The following TPRG1 variants were observed in gnomAD, a reference collection of about 807,000 sequenced individuals.
TPRG1 encodes the protein tumor protein p63-regulated gene 1 protein.
Under a neutral mutation model 29.3 loss-of-function variants are expected in TPRG1, and 29 were observed. That is an observed-to-expected ratio of 0.99 (90% CI 0.74 to 1.35). The LOEUF is 1.35. TPRG1 is among the 40% of genes most tolerant of loss of function. The pLI, the probability that TPRG1 is intolerant of heterozygous loss-of-function variation, is 0.00. For missense variants in TPRG1, 327 were observed against 335.0 expected (o/e 0.98, Z 0.19); for synonymous variants, 130 against 116.8 (o/e 1.11, Z -0.73).
chr3:189,293,394 A>G (rs1389950361), intron 4 of TPRG1, among the ~76,000 whole-genome samples: 2 of 152,090 alleles, frequency 1.3e-5, no homozygotes, highest in Non-Finnish European at 2.9e-5. Context: ...GGGTTTCCTG[A>G]TCTGGGACCT....
intron 3 of TPRG1, among the ~76,000 whole-genome samples, chr3:189,133,363 C>T (rs1292614815): frequency 3.3e-5 from 5 of 152,182 alleles, no homozygotes; most frequent in Admixed American, 6.5e-5. Flanking sequence ...TTAGAAGCCT[C>T]TTGCCACAGT....
intron 3 of TPRG1, among the ~76,000 whole-genome samples, chr3:189,014,907 A>T (rs911581512): frequency 7.9e-5 from 12 of 152,148 alleles, no homozygotes; most frequent in African/African-American, 2.9e-4. Flanking sequence ...TACTACAGAA[A>T]ATTGGTACCA....
At position 189,324,661 on chromosome 3, in the gene TPRG1, G is replaced by A. The variant is rs1724578382; in HGVS notation, c.*3841G>A. The A allele has an allele frequency of 6.6e-6, 1 of 152,152 alleles. No individual in the cohort carries two copies. Among genetic ancestry groups the A allele is most frequent in the South Asian group, 2.1e-4 (1 of 4,832 alleles). 9.4% of individuals were successfully genotyped at this position (152,152 alleles called of 1,614,324 possible). On this transcript the variant is annotated 3_prime_UTR_variant, in exon 6 of 6. Coordinates refer to ENST00000345063, the MANE Select transcript of TPRG1 (RefSeq NM_198485.4). The stretch of plus-strand genomic sequence containing the variant: ...GGCATTTTGTGGGGCAGGAGAGGGG[G>A]AGGGCAAAGGTATTAAATTTAGGCT...
At chr3:189,284,475 A>G (rs564651702) in intron 4 of TPRG1, among the ~76,000 whole-genome samples, 2 of 151,262 alleles carry the variant, frequency 1.3e-5, no homozygotes, top group Admixed American at 6.6e-5. Context: ...TGTCCTTGCC[A>G]TAGTTTGCTG....
In TPRG1 at chr3:189,261,607, C is replaced by T. The variant is rs115532867; in HGVS notation, c.479+22698C>T. Among the ~76,000 whole-genome samples the T allele has an allele frequency of 4.1e-3, 617 of 152,278 alleles. 2 individuals are homozygous for T. The highest frequency in any genetic ancestry group is 0.014 in the African/African-American group (599 of 41,552). ...GAGTGGCAAGACATAGCCTCTGCCA[C>T]CAAGATGTTCACAGTCTCAATGCGA... On this transcript the variant is annotated intron_variant, in intron 4 of 5. Transcript: ENST00000345063.
At chr3:189,026,238 T>A (rs528590337) in intron 4 of TPRG1, among the ~76,000 whole-genome samples, 40 of 152,310 alleles carry the variant, frequency 2.6e-4, no homozygotes, top group African/African-American at 9.4e-4. Flanking sequence ...CCTCATGTGG[T>A]CTTTTCTCTG....
rs370520919 is a variant in TPRG1, at chr3:189,057,749, C to CAT, written c.-463+33817_-463+33818dup. Among the ~76,000 whole-genome samples, 211 of 141,830 alleles carry CAT rather than the reference C, an allele frequency of 1.5e-3. 2 individuals carry two copies. The highest frequency in any genetic ancestry group is 5.4e-3 in the South Asian group (24 of 4,478). 93.0% of individuals were successfully genotyped at this position (141,830 alleles called of 152,430 possible). A position where few individuals can be genotyped will look rare whatever the true frequency, so the allele number is the denominator to read the frequency against. On this transcript the variant is annotated intron_variant, in intron 4 of 10. Transcript: ENST00000433971. ...TCATATTTCTATTAGTATATATATACATATATATATATATACACACACATA... is the reference window on the plus strand; with the variant it reads ...TCATATTTCTATTAGTATATATATACATATATATATATATATACACACACATA...
intron 5 of TPRG1, among the ~76,000 whole-genome samples, chr3:189,311,975 T>G (rs1722565626): frequency 6.6e-6 from 1 of 152,104 alleles, no homozygotes; most frequent in Non-Finnish European, 1.5e-5. Context: ...AATATCAGAC[T>G]TCTCTGTTTC....
chr3:189,164,615 A>G (rs1034937204), intron 5 of TPRG1, among the ~76,000 whole-genome samples: 1 of 133,526 alleles, frequency 7.5e-6, no homozygotes, highest in Non-Finnish European at 1.5e-5. Flanking sequence ...CTAAAAAAAA[A>G]AATAAAAGCT....
At chr3:188,998,069 C>T (rs983847994) in intron 1 of TPRG1, among the ~76,000 whole-genome samples, 3 of 152,004 alleles carry the variant, frequency 2.0e-5, no homozygotes, top group Admixed American at 6.6e-5. Flanking sequence ...GGGTCAGGCA[C>T]GATTTTAGGT....
rs754508959 is a variant in TPRG1 at position 189,215,274 on chromosome 3, T to G, written c.211-18T>G. On this transcript the variant is annotated intron_variant, in intron 2 of 5. Coordinates refer to ENST00000345063, the MANE Select transcript of TPRG1 (RefSeq NM_198485.4). Reference sequence around the variant, plus strand: ...GCTAAGTCTGCTCTAAACTAGGTATTTTCTCCTTTCCACACAGCCGGGGGC... The same window carrying G: ...GCTAAGTCTGCTCTAAACTAGGTATGTTCTCCTTTCCACACAGCCGGGGGC... The G allele has an allele frequency of 2.5e-6, 4 of 1,601,218 alleles. No individual in the cohort carries two copies. Among genetic ancestry groups the G allele is most frequent in the African/African-American group, 2.7e-5 (2 of 73,998 alleles).
chr3:189,029,025 TAA>T (rs11431656), intron 4 of TPRG1, among the ~76,000 whole-genome samples: 10 of 131,756 alleles, frequency 7.6e-5, no homozygotes, highest in South Asian at 2.4e-4. Context: ...GTGTTTTCAA[TAA>T]AAAAAAAAAA....
chr3:189,202,598 C>A (rs1733677490), intron 1 of TPRG1, among the ~76,000 whole-genome samples: 1 of 152,050 alleles, frequency 6.6e-6, no homozygotes. Flanking sequence ...CAATTTAAAA[C>A]TTTTAAATTT....
rs529522526 is a variant in TPRG1 at position 189,022,491 on chromosome 3, G to C, written c.-659-1259G>C. Among the ~76,000 whole-genome samples the C allele has an allele frequency of 2.2e-4, 33 of 151,474 alleles. No homozygotes were observed. The East Asian group carries it at 3.9e-3, about 18-fold the overall frequency. On this transcript the variant is annotated intron_variant, in intron 3 of 10. Transcript: ENST00000433971. The stretch of plus-strand genomic sequence containing the variant: ...TGCAGGTCTGTTGGAGTACCCTGCA[G>C]TGTGAGGTGTCAGTGTGCCCCTGCT...
chr3:189,306,756 A>G (rs1432595075), intron 4 of TPRG1, among the ~76,000 whole-genome samples: 1 of 152,174 alleles, frequency 6.6e-6, no homozygotes, highest in African/African-American at 2.4e-5. Flanking sequence ...GACACTCAAT[A>G]TATGCTGGTG....
chr3:189,252,603 AG>A lies in TPRG1; in HGVS notation c.479+13696del, dbSNP rs1742464415. ...CTATGGTTCCCTGACAATTAACTAC[AG>A]GTTTAAAGCTATGACTAATCTTAAC... On this transcript the variant is annotated intron_variant, in intron 4 of 5. Transcript: ENST00000345063. Among the ~76,000 whole-genome samples the A allele has an allele frequency of 2.0e-5, 3 of 152,198 alleles. No homozygotes were observed. In the South Asian group the frequency reaches 6.2e-4, roughly 31 times the overall value.
intron 1 of TPRG1, 133 bp from the exon 2 acceptor site, chr3:189,207,243 C>G: frequency 7.0e-7 from 1 of 1,423,852 alleles, no homozygotes; most frequent in African/African-American, 1.4e-5. Flanking sequence ...ACCAATGCCT[C>G]TGTTTAGTTA....
chr3:189,026,008 C>T (rs1713641641), intron 4 of TPRG1, among the ~76,000 whole-genome samples: 1 of 152,160 alleles, frequency 6.6e-6, no homozygotes, highest in African/African-American at 2.4e-5. Flanking sequence ...AATTTATAGG[C>T]TTCACAGTCA....
intron 1 of TPRG1, among the ~76,000 whole-genome samples, chr3:189,192,426 C>T (rs1276215706): frequency 3.3e-5 from 5 of 152,214 alleles, no homozygotes; most frequent in Non-Finnish European, 7.3e-5. Context: ...TGGTCCCTAA[C>T]ATCAAGGAGC....
Sources: gnomAD v4.1 joint callset for allele counts (sites outside exome capture counted in the v4.1 genomes callset) on GRCh38, gnomAD v4.1.1 for gene constraint, MANE v1.5 for transcripts, NCBI Gene and HGNC (gene_info 2026-07-23, HGNC 2026-07-21) for gene names.